CCNJL: variants seen among roughly 807,000 people sequenced by gnomAD.
CCNJL encodes the protein cyclin-J-like protein.
CCNJL carries 33 observed loss-of-function variants against 33.4 expected under a neutral mutation model. The ratio of observed to expected loss-of-function variants is 0.99; its 90% CI spans 0.75 to 1.32. The LOEUF is 1.32. Ranked by LOEUF, CCNJL falls within the 40% of genes most tolerant of loss-of-function variation. The probability of loss-of-function intolerance (pLI) is 0.00; values close to 1 mark genes in which losing one functional copy is unlikely to be tolerated. For synonymous variants in CCNJL, 227 were observed against 220.9 expected (o/e 1.03, Z -0.24); for missense variants, 512 against 499.7 (o/e 1.02, Z -0.23).
upstream of CCNJL, among the ~76,000 whole-genome samples, chr5:160,316,829 G>A (rs1484783989): frequency 6.6e-6 from 1 of 152,182 alleles, no homozygotes; most frequent in African/African-American, 2.4e-5. Context: ...TGGACATTTA[G>A]CCTGGGAATG....
At chr5:160,278,793 G>A (rs1055073279) in intron 3 of CCNJL, among the ~76,000 whole-genome samples, 1 of 152,200 alleles carries the variant, frequency 6.6e-6, no homozygotes, top group African/African-American at 2.4e-5. Flanking sequence ...ACAGCAGCAG[G>A]CCAAAGGCCG....
chr5:160,259,690 G>T lies in CCNJL; in HGVS notation c.362C>A (p.Thr121Asn). 3 of 1,614,162 alleles carry T rather than the reference G, an allele frequency of 1.9e-6. No homozygotes were observed. The highest frequency in any genetic ancestry group is 3.3e-5 in the Admixed American group (2 of 60,026). Reference sequence around the variant, plus strand: ...GCTCAGCAGCTCCTTCTTGGTGAGGGTGAAGTTCTGGCTGCTCAGGATCCT... The same window carrying T: ...GCTCAGCAGCTCCTTCTTGGTGAGGTTGAAGTTCTGGCTGCTCAGGATCCT... ...STRILSSQNF[T>N]LTKKELLSTE... Residue 121 changes from threonine to asparagine, a missense_variant, in exon 4 of 6, where the codon ACC (threonine) becomes AAC (asparagine). By Grantham distance (65) the Thr-to-Asn change is moderately conservative (BLOSUM62 0). Coordinates refer to ENST00000257536, the MANE Select transcript of CCNJL (RefSeq NM_001308173.3).
rs1554120707 is a variant in CCNJL, at chr5:160,283,008, T to TATATATATATAC, written c.67-2271_67-2270insGTATATATATAT. ...ATATATATATATATATATATATATA[T>TATATATATATAC]ACATATATATATATATATACCTAAG... On this transcript the variant is annotated intron_variant, in intron 2 of 5. Coordinates refer to ENST00000257536, the MANE Select transcript of CCNJL (RefSeq NM_001308173.3). Among the ~76,000 whole-genome samples, 31 of 52,656 alleles carry TATATATATATAC rather than the reference T, an allele frequency of 5.9e-4. 1 individual carries two copies. The highest frequency in any genetic ancestry group is 2.3e-3 in the East Asian group (2 of 880). The allele number at this position is 52,656 out of a possible 152,430, so 34.5% of individuals were successfully genotyped here. A position where few individuals can be genotyped will look rare whatever the true frequency, so the allele number is the denominator to read the frequency against.
chr5:160,338,413 C>A (rs541762701), intron 1 of CCNJL, among the ~76,000 whole-genome samples: 1 of 151,106 alleles, frequency 6.6e-6, no homozygotes, highest in South Asian at 2.1e-4. Context: ...CCCCACCCCC[C>A]AAAAAAAGCC....
At chr5:160,326,877 A>G in intron 1 of CCNJL, 1 of 688,218 alleles carries the variant, frequency 1.5e-6, no homozygotes, top group Non-Finnish European at 2.8e-6. Context: ...TAGATGATAC[A>G]GAAGAGATTC....
At chr5:160,285,443 G>A (rs765008104) in intron 2 of CCNJL, among the ~76,000 whole-genome samples, 10 of 149,012 alleles carry the variant, frequency 6.7e-5, no homozygotes, top group Non-Finnish European at 6.0e-5. Context: ...GGTGGGGAGG[G>A]AGGGAGAGGC....
intron 1 of CCNJL, among the ~76,000 whole-genome samples, chr5:160,321,016 T>TCTCTC (rs1561812761): frequency 2.7e-4 from 5 of 18,750 alleles, no homozygotes; most frequent in Non-Finnish European, 1.1e-4. Flanking sequence ...CTCTCTCTCT[T>TCTCTC]TCTTTCTTTC....
At position 160,250,025 on chromosome 5, in the gene CCNJL, C is replaced by A. The variant is rs1376124576; in HGVS notation, c.*3353G>T. On this transcript the variant is annotated 3_prime_UTR_variant, in exon 6 of 6. Transcript: ENST00000257536. The stretch of plus-strand genomic sequence containing the variant: ...AACCTGATGCCAGCCCTGGGAGGAA[C>A]TTTAAGACTATCTTTGTGCTTTTTA... 2.6e-5 allele frequency: 4 copies of A among 152,020 alleles called. No homozygotes were observed. Among genetic ancestry groups the A allele is most frequent in the Admixed American group, 1.3e-4 (2 of 15,260 alleles). 9.4% of individuals were successfully genotyped at this position (152,020 alleles called of 1,614,324 possible). A position where few individuals can be genotyped will look rare whatever the true frequency, so the allele number is the denominator to read the frequency against.
chr5:160,320,850 C>CTCTTTCTTTCTTTCTTTCCTTCT (rs1763439271), intron 1 of CCNJL, among the ~76,000 whole-genome samples: 3 of 55,532 alleles, frequency 5.4e-5, no homozygotes, highest in African/African-American at 1.8e-4. Context: ...TCTTTCTTTC[C>CTCTTTCTTTCTTTCTTTCCTTCT]TTCTTTCTTT....
rs184041011 is a variant in CCNJL, at chr5:160,280,415, A to G, written c.280+110T>C. On this transcript the variant is annotated intron_variant, in intron 3 of 5. Coordinates refer to ENST00000257536, the MANE Select transcript of CCNJL (RefSeq NM_001308173.3). ...AAAAAACGCTCAGTGAAGGATGAAC[A>G]TATAAGACGTGCAAAGATCGTCAAA... 294 of 863,600 alleles carry G rather than the reference A, an allele frequency of 3.4e-4. 1 individual carries two copies. The African/African-American group carries it at 3.7e-3, about 11-fold the overall frequency. The allele number at this position is 863,600 out of a possible 1,614,324, so 53.5% of individuals were successfully genotyped here.
rs151303334 is a variant in CCNJL at position 160,285,477 on chromosome 5, T to G, written c.67-4739A>C. The stretch of plus-strand genomic sequence containing the variant: ...GCAGTAAAGAAAGCAAGGAAAGAAT[T>G]GCAGTGGTGGATACAGAAGGTCCTG... On this transcript the variant is annotated intron_variant, in intron 2 of 5. Transcript: ENST00000257536. Among the ~76,000 whole-genome samples the G allele has an allele frequency of 1.7e-4, 26 of 152,198 alleles. No homozygotes were observed. In the East Asian group the frequency reaches 5.0e-3, roughly 29 times the overall value.
At chr5:160,258,037 G>C (rs148854264) in intron 4 of CCNJL, among the ~76,000 whole-genome samples, 1,854 of 151,916 alleles carry the variant, frequency 0.012, 31 homozygotes, top group African/African-American at 0.041. Context: ...GTAGAGATGG[G>C]GTTTCACTAT....
At chr5:160,321,014 CTT>C (rs377414278) in intron 1 of CCNJL, among the ~76,000 whole-genome samples, 2,334 of 34,616 alleles carry the variant, frequency 0.067, 50 homozygotes, top group Admixed American at 0.1. Context: ...CTCTCTCTCT[CTT>C]TCTTTCTTTC....
Position 160,255,556 on chromosome 5 carries a change from G to A in CCNJL, c.736C>T (p.Leu246=), listed in dbSNP as rs1343461706. The A allele has an allele frequency of 7.4e-6, 12 of 1,613,822 alleles. No homozygotes were observed. The highest frequency in any genetic ancestry group is 4.0e-5 in the African/African-American group (3 of 74,926). ...LEHLSTCIEI[L]LVVYDNVLKD... ...TTCAGGGGAGAAACTTACACCAGCA[G>A]GATTTCAATACACGTGCTGAGGTGC... The change falls in exon 5 of 6, where the codon CTG becomes TTG. Residue 246 remains leucine (L), a synonymous_variant. Transcript: ENST00000257536.
intron 3 of CCNJL, among the ~76,000 whole-genome samples, chr5:160,270,947 A>C (rs918834107): frequency 8.5e-5 from 13 of 152,180 alleles, no homozygotes; most frequent in Non-Finnish European, 1.9e-4. Flanking sequence ...GAGGCATCAG[A>C]CTTTCCTAGA....
intron 2 of CCNJL, among the ~76,000 whole-genome samples, chr5:160,291,951 G>A (rs1394590015): frequency 6.6e-6 from 1 of 152,154 alleles, no homozygotes; most frequent in African/African-American, 2.4e-5. Flanking sequence ...GGGTGAACTG[G>A]CCCGACTTGG....
At chr5:160,262,531 TC>T (rs932719800) in intron 3 of CCNJL, among the ~76,000 whole-genome samples, 30 of 152,176 alleles carry the variant, frequency 2.0e-4, no homozygotes, top group Admixed American at 1.8e-3. Context: ...TAGGACCTTG[TC>T]CCACATGAAG....
At chr5:160,257,328 A>T (rs1393957818) in intron 4 of CCNJL, among the ~76,000 whole-genome samples, 4 of 152,050 alleles carry the variant, frequency 2.6e-5, no homozygotes, top group Middle Eastern at 3.4e-3. Flanking sequence ...ACAAAAAATT[A>T]GCCAGGCGTG....
chr5:160,335,125 T>A (rs919580917), intron 1 of CCNJL, among the ~76,000 whole-genome samples: 2 of 152,114 alleles, frequency 1.3e-5, no homozygotes, highest in Non-Finnish European at 2.9e-5. Flanking sequence ...TAGTCAGGTG[T>A]GGTGGCATGC....
Sources: allele counts gnomAD v4.1 joint callset (sites outside exome capture counted in the v4.1 genomes callset), GRCh38; gene constraint gnomAD v4.1.1; transcripts MANE v1.5; gene names NCBI Gene and HGNC (gene_info 2026-07-23, HGNC 2026-07-21).